The following BCR variants were observed in gnomAD, a reference collection of about 807,000 sequenced individuals.
BCR encodes breakpoint cluster region protein.
Under a neutral mutation model 138.6 loss-of-function variants are expected in BCR, and 58 were observed. That is an observed-to-expected ratio of 0.42 (90% CI 0.34 to 0.52). The LOEUF is 0.52. Among genes scored for constraint, BCR ranks in the 20% least tolerant of loss-of-function variants. The probability of loss-of-function intolerance (pLI) is 0.06; values close to 1 mark genes in which losing one functional copy is unlikely to be tolerated. For synonymous variants in BCR, 786 were observed against 730.1 expected (o/e 1.08, Z -1.23); for missense variants, 1,599 against 1,727.2 (o/e 0.93, Z 1.32).
At chr22:23,272,030 A>G (rs2073515930) in intron 6 of BCR, among the ~76,000 whole-genome samples, 4 of 152,218 alleles carry the variant, frequency 2.6e-5, no homozygotes, top group South Asian at 2.1e-4. Flanking sequence ...TTCCCTCCGT[A>G]TTGGTCAGGC....
At chr22:23,241,765 G>T (rs1170543690) in intron 1 of BCR, among the ~76,000 whole-genome samples, 2 of 152,058 alleles carry the variant, frequency 1.3e-5, no homozygotes, top group Non-Finnish European at 2.9e-5. Context: ...CATCGCAGAA[G>T]CCCCCAGCCC....
chr22:23,302,666 G>C (rs906593131), intron 16 of BCR: 9 of 152,274 alleles, frequency 5.9e-5, no homozygotes, highest in African/African-American at 2.2e-4. Context: ...CCACGGGGGA[G>C]AAAGAGGCCA....
intron 1 of BCR, among the ~76,000 whole-genome samples, chr22:23,207,838 G>A (rs1351281702): frequency 1.3e-5 from 2 of 152,168 alleles, no homozygotes; most frequent in East Asian, 3.9e-4. Context: ...AGAGGCCAGA[G>A]AAGACTTCTG....
rs112962685 is a variant in BCR, at chr22:23,198,755, A to G, written c.1279+16516A>G. Among the ~76,000 whole-genome samples, 484 of 152,264 alleles carry G rather than the reference A, an allele frequency of 3.2e-3. 3 individuals are homozygous for G. Among genetic ancestry groups the G allele is most frequent in the African/African-American group, 0.011 (456 of 41,548 alleles). On this transcript the variant is annotated intron_variant, in intron 1 of 22. Coordinates refer to ENST00000305877, the MANE Select transcript of BCR (RefSeq NM_004327.4). ...CCGAATCGTGATACCCAAGGGAGGC[A>G]TCTTGTCGTGGAGCAGTTGCATGGG...
chr22:23,269,553 T>C (rs1460495158), intron 5 of BCR, among the ~76,000 whole-genome samples: 1 of 152,188 alleles, frequency 6.6e-6, no homozygotes, highest in African/African-American at 2.4e-5. Flanking sequence ...CATCACGGGC[T>C]TCGCTCTGAT....
chr22:23,294,055 T>C (rs1213256774), intron 15 of BCR, among the ~76,000 whole-genome samples: 4 of 152,210 alleles, frequency 2.6e-5, no homozygotes, highest in Non-Finnish European at 5.9e-5. Context: ...AGGATCACTC[T>C]TTTGTTTCCT....
At chr22:23,238,966 C>G (rs1355523224) in intron 1 of BCR, among the ~76,000 whole-genome samples, 1 of 152,144 alleles carries the variant, frequency 6.6e-6, no homozygotes, top group Non-Finnish European at 1.5e-5. Context: ...CCATTTCCTT[C>G]TTTTTCTCAA....
chr22:23,204,780 C>T (rs988661543), intron 1 of BCR, among the ~76,000 whole-genome samples: 6 of 152,164 alleles, frequency 3.9e-5, no homozygotes, highest in African/African-American at 9.7e-5. Context: ...GCGTGGGCAG[C>T]GGGAGGCCCT....
intron 4 of BCR, chr22:23,263,480 G>C: frequency 6.5e-7 from 1 of 1,534,494 alleles, no homozygotes; most frequent in Non-Finnish European, 9.0e-7. Flanking sequence ...GCAGTCAGAT[G>C]CCCTGGATGC....
rs767662766 is a variant in BCR at position 23,208,779 on chromosome 22, C to T, written c.1279+26540C>T. Among the ~76,000 whole-genome samples the T allele has an allele frequency of 4.6e-5, 7 of 151,976 alleles. No homozygotes were observed. In the East Asian group the frequency reaches 9.8e-4, roughly 21 times the overall value. On this transcript the variant is annotated intron_variant, in intron 1 of 22. Transcript: ENST00000305877. ...CTGAGGCAGGAGAATCGCTTGAACC[C>T]GGGAGGCGGAGGTTGCAGCGAACTG...
At chr22:23,203,296 C>G (rs2072577282) in intron 1 of BCR, among the ~76,000 whole-genome samples, 1 of 152,148 alleles carries the variant, frequency 6.6e-6, no homozygotes, top group Non-Finnish European at 1.5e-5. Flanking sequence ...AAATCCTGCC[C>G]CAGTTTACCC....
chr22:23,268,626 T>A, intron 5 of BCR, 111 bp downstream of exon 5: 1 of 941,422 alleles, frequency 1.1e-6, no homozygotes, highest in East Asian at 2.7e-5. Flanking sequence ...GAACCCCAGC[T>A]GTTTCCAGAT....
intron 1 of BCR, among the ~76,000 whole-genome samples, chr22:23,187,825 A>G (rs545268004): frequency 6.6e-5 from 10 of 152,304 alleles, no homozygotes; most frequent in Non-Finnish European, 1.5e-4. Context: ...ACCCAGCCCA[A>G]TGTGCCTGTC....
chr22:23,191,569 T>A (rs543587407), intron 1 of BCR, among the ~76,000 whole-genome samples: 2 of 152,332 alleles, frequency 1.3e-5, no homozygotes, highest in South Asian at 4.1e-4. Context: ...GGCTTCCTTT[T>A]TAGGGTGATG....
intron 1 of BCR, among the ~76,000 whole-genome samples, chr22:23,234,727 G>A (rs1293069768): frequency 9.4e-6 from 1 of 106,616 alleles, no homozygotes; most frequent in African/African-American, 2.7e-5. Context: ...TGATCAGGTC[G>A]CAGCGAGCAT....
intron 5 of BCR, among the ~76,000 whole-genome samples, chr22:23,269,282 G>A (rs1040257379): frequency 4.6e-5 from 7 of 152,210 alleles, no homozygotes; most frequent in Admixed American, 2.6e-4. Context: ...GTCACTCTGC[G>A]ACATTTTCCT....
At chr22:23,220,443 T>C (rs2072811558) in intron 1 of BCR, among the ~76,000 whole-genome samples, 1 of 152,192 alleles carries the variant, frequency 6.6e-6, no homozygotes, top group Non-Finnish European at 1.5e-5. Flanking sequence ...ATAACTGTCT[T>C]GGAGCAGCAT....
chr22:23,185,979 T>G (rs2072338071), intron 1 of BCR, among the ~76,000 whole-genome samples: 1 of 148,732 alleles, frequency 6.7e-6, no homozygotes, highest in Non-Finnish European at 1.5e-5. Context: ...TCCGCCCGCC[T>G]CAGCCTCCGA....
intron 1 of BCR, among the ~76,000 whole-genome samples, chr22:23,207,950 A>G (rs1464481001): frequency 6.6e-6 from 1 of 152,168 alleles, no homozygotes; most frequent in East Asian, 1.9e-4. Flanking sequence ...TATGCACCCC[A>G]TACACACAGC....
Sources: allele counts gnomAD v4.1 joint callset (sites outside exome capture counted in the v4.1 genomes callset), GRCh38; gene constraint gnomAD v4.1.1; transcripts MANE v1.5; gene names NCBI Gene and HGNC (gene_info 2026-07-23, HGNC 2026-07-21).